The following PCDHGA4 variants were observed in gnomAD, a reference collection of about 807,000 sequenced individuals.
PCDHGA4 encodes the protein protocadherin gamma subfamily A, 4, also known as protocadherin gamma-A4.
In PCDHGA4, 38 loss-of-function variants were observed where a neutral mutation model predicts 54.6. That is an observed-to-expected ratio of 0.70 (90% CI 0.54 to 0.91). The LOEUF is 0.91. Ranked by LOEUF, PCDHGA4 falls within the 40% of genes least tolerant of loss-of-function variation. The pLI, the probability that PCDHGA4 is intolerant of heterozygous loss-of-function variation, is 0.00. For missense variants in PCDHGA4, 1,298 were observed against 1,220.9 expected (o/e 1.06, Z -0.94); for synonymous variants, 511 against 512.9 (o/e 1.00, Z 0.05).
chr5:141,373,819 A>G, intron 1 of PCDHGA4: 1 of 365,074 alleles, frequency 2.7e-6, no homozygotes, highest in Non-Finnish European at 4.9e-6. Context: ...GTTTCACAAA[A>G]CGATGCAGTA....
intron 1 of PCDHGA4, chr5:141,442,416 T>A (rs2098323395): frequency 6.6e-6 from 1 of 152,206 alleles, no homozygotes; most frequent in Non-Finnish European, 1.5e-5. Flanking sequence ...CTGAGTGAAC[T>A]TCTTTTTTGA....
intron 1 of PCDHGA4, chr5:141,419,566 C>G: frequency 3.1e-6 from 5 of 1,611,792 alleles, no homozygotes; most frequent in Non-Finnish European, 2.5e-6. Context: ...CGCTGGGTCC[C>G]GACGGCTCCG....
chr5:141,400,728 T>C, intron 1 of PCDHGA4: 1 of 648,188 alleles, frequency 1.5e-6, no homozygotes. Context: ...ATTTACAAAG[T>C]AGTGAGAGTT....
Position 141,486,446 on chromosome 5 carries a change from G to T in PCDHGA4, c.2515-8361G>T. ...GGCCAAATCTAGCTATGACATCATGGTCACTGCTTCTGATGCTGGGAACCC... is the reference window on the plus strand; with the variant it reads ...GGCCAAATCTAGCTATGACATCATGTTCACTGCTTCTGATGCTGGGAACCC... On this transcript the variant is annotated intron_variant, in intron 1 of 3. Coordinates refer to ENST00000571252, the MANE Select transcript of PCDHGA4 (RefSeq NM_018917.4). The surrounding 1 kb of genome is among the most constrained non-coding windows in gnomAD (Gnocchi z 5.0). 2 of 1,614,126 alleles carry T rather than the reference G, an allele frequency of 1.2e-6. No individual in the cohort carries two copies. Among genetic ancestry groups the T allele is most frequent in the Non-Finnish European group, 1.7e-6 (2 of 1,180,004 alleles).
In PCDHGA4 at chr5:141,477,798, A is replaced by G; in HGVS notation, c.2515-17009A>G. On this transcript the variant is annotated intron_variant, in intron 1 of 3. Transcript: ENST00000571252. The surrounding 1 kb of genome is among the most constrained non-coding windows in gnomAD (Gnocchi z 4.9). ...GTGAACATATTTGTCACTGATCGCA[A>G]TGACAATGCCCCCCAGGTCCTATAT... The G allele has an allele frequency of 6.2e-7, 1 of 1,614,140 alleles. No homozygotes were observed. The highest frequency in any genetic ancestry group is 8.5e-7 in the Non-Finnish European group (1 of 1,180,038).
At position 141,497,209 on chromosome 5, in the gene PCDHGA4, T is replaced by TG. The variant is rs11343387; in HGVS notation, c.2573+2353dup. On this transcript the variant is annotated intron_variant, in intron 2 of 3. Coordinates refer to ENST00000571252, the MANE Select transcript of PCDHGA4 (RefSeq NM_018917.4). ...GAGGCAGAGAACAATGTGAGTGTAA[T>TG]GGGGGGGGGAAGATCAGAGAAGGCT... Among the ~76,000 whole-genome samples the TG allele has an allele frequency of 1.3e-3, 196 of 151,342 alleles. 1 individual carries two copies. The South Asian group carries it at 0.02, about 15-fold the overall frequency.
At chr5:141,504,696 G>T (rs2099840373) in intron 2 of PCDHGA4, among the ~76,000 whole-genome samples, 1 of 151,438 alleles carries the variant, frequency 6.6e-6, no homozygotes, top group African/African-American at 2.4e-5. Flanking sequence ...GGAGGGGCAG[G>T]TTCTTCTATG....
At position 141,487,791 on chromosome 5, in the gene PCDHGA4, C is replaced by T; in HGVS notation, c.2515-7016C>T. ...CTTTGTAACTGTTTCGTGAATTAAC[C>T]AGAGTTGTCACAGTTTAGCATTGGG... On this transcript the variant is annotated intron_variant, in intron 1 of 3. Coordinates refer to ENST00000571252, the MANE Select transcript of PCDHGA4 (RefSeq NM_018917.4). This position sits in a 1 kb window ranked among gnomAD's most constrained non-coding sequence, Gnocchi z 5.0. 6.6e-7 allele frequency: 1 copy of T among 1,510,152 alleles called. No individual in the cohort carries two copies. The highest frequency in any genetic ancestry group is 1.4e-5 in the African/African-American group (1 of 72,206). The allele number at this position is 1,510,152 out of a possible 1,614,324, so 93.5% of individuals were successfully genotyped here. A position where few individuals can be genotyped will look rare whatever the true frequency, so the allele number is the denominator to read the frequency against.
intron 1 of PCDHGA4, chr5:141,403,447 C>G (rs1382965437): frequency 6.2e-7 from 1 of 1,613,924 alleles, no homozygotes; most frequent in Non-Finnish European, 8.5e-7. Context: ...TTGGCGTGAA[C>G]TCCCTCCAGA....
chr5:141,377,009 G>A (rs1392243564), intron 1 of PCDHGA4: 2 of 155,212 alleles, frequency 1.3e-5, no homozygotes, highest in Non-Finnish European at 2.9e-5. Flanking sequence ...TTTATTGGTT[G>A]ACAGGAAAAT....
Position 141,485,046 on chromosome 5 carries a change from G to A in PCDHGA4, c.2515-9761G>A. On this transcript the variant is annotated intron_variant, in intron 1 of 3. Transcript: ENST00000571252. This position sits in a 1 kb window ranked among gnomAD's most constrained non-coding sequence, Gnocchi z 5.7. ...AAAAACGGCGCGTAACCCTTGCGGCGCCGGCCGAACCGCGCCAGAGCTGGC... is the reference window on the plus strand; with the variant it reads ...AAAAACGGCGCGTAACCCTTGCGGCACCGGCCGAACCGCGCCAGAGCTGGC... 2 of 750,304 alleles carry A rather than the reference G, an allele frequency of 2.7e-6. No individual in the cohort carries two copies. The highest frequency in any genetic ancestry group is 4.5e-6 in the Non-Finnish European group (2 of 443,046). The allele number at this position is 750,304 out of a possible 1,614,324, so 46.5% of individuals were successfully genotyped here. A position where few individuals can be genotyped will look rare whatever the true frequency, so the allele number is the denominator to read the frequency against.
In PCDHGA4 at chr5:141,431,628, A is replaced by C. The variant is rs1204083567; in HGVS notation, c.2515-63179A>C. Reference sequence around the variant, plus strand: ...CGGTATGTGGACGACAAGGCGGCCCAAGTTTTCAAACTAGATTGTAATTCA... The same window carrying C: ...CGGTATGTGGACGACAAGGCGGCCCCAGTTTTCAAACTAGATTGTAATTCA... On this transcript the variant is annotated intron_variant, in intron 1 of 3. Coordinates refer to ENST00000571252, the MANE Select transcript of PCDHGA4 (RefSeq NM_018917.4). The surrounding 1 kb of genome is among the most constrained non-coding windows in gnomAD (Gnocchi z 4.8). 1 of 1,614,256 alleles carries C rather than the reference A, an allele frequency of 6.2e-7. No individual in the cohort carries two copies. The highest frequency in any genetic ancestry group is 8.5e-7 in the Non-Finnish European group (1 of 1,180,050).
In PCDHGA4 at chr5:141,486,819, T is replaced by TG; in HGVS notation, c.2515-7988_2515-7987insG. 6.2e-7 allele frequency: 1 copy of TG among 1,614,212 alleles called. No homozygotes were observed. Among genetic ancestry groups the TG allele is most frequent in the Non-Finnish European group, 8.5e-7 (1 of 1,180,034 alleles). On this transcript the variant is annotated intron_variant, in intron 1 of 3. Coordinates refer to ENST00000571252, the MANE Select transcript of PCDHGA4 (RefSeq NM_018917.4). The surrounding 1 kb of genome is among the most constrained non-coding windows in gnomAD (Gnocchi z 5.0). ...GGCAACCCACCCCTTAGCAGCACTG[T>TG]AACAGTTCGTCTATTTGTGCTGGAC...
intron 1 of PCDHGA4, among the ~76,000 whole-genome samples, chr5:141,386,783 C>A (rs1254282500): frequency 6.6e-6 from 1 of 152,150 alleles, no homozygotes; most frequent in Non-Finnish European, 1.5e-5. Context: ...AAAAGAAAAT[C>A]TCCTGACCAA....
chr5:141,395,521 T>G, intron 1 of PCDHGA4: 7 of 388,350 alleles, frequency 1.8e-5, no homozygotes, highest in East Asian at 5.0e-5. Flanking sequence ...TACCCGTCCA[T>G]ACTGGTAATT....
At chr5:141,426,037 G>A (rs2096911238) in intron 1 of PCDHGA4, among the ~76,000 whole-genome samples, 1 of 152,176 alleles carries the variant, frequency 6.6e-6, no homozygotes, top group South Asian at 2.1e-4. Flanking sequence ...TCAGAGCCCT[G>A]CTGTTGGCCA....
chr5:141,382,453 G>A (rs1300977672), intron 1 of PCDHGA4, among the ~76,000 whole-genome samples: 1 of 152,202 alleles, frequency 6.6e-6, no homozygotes, highest in Non-Finnish European at 1.5e-5. Flanking sequence ...GCAAGGCAAA[G>A]CAGTTTTTTA....
intron 1 of PCDHGA4, chr5:141,418,394 T>C: frequency 6.2e-7 from 1 of 1,614,020 alleles, no homozygotes; most frequent in Non-Finnish European, 8.5e-7. Flanking sequence ...CGAGTATTTC[T>C]CATTGGTGGA....
intron 1 of PCDHGA4, chr5:141,371,990 G>A (rs1768271150): frequency 6.2e-7 from 1 of 1,613,140 alleles, no homozygotes; most frequent in Admixed American, 1.7e-5. Flanking sequence ...AGCTCACTCT[G>A]CAGGCCCGCG....
Sources: allele counts gnomAD v4.1 joint callset (sites outside exome capture counted in the v4.1 genomes callset), GRCh38; gene constraint gnomAD v4.1.1; non-coding constraint Gnocchi (gnomAD v3.1); transcripts MANE v1.5; gene names NCBI Gene and HGNC (gene_info 2026-07-23, HGNC 2026-07-21).